COL24A1: variants seen among roughly 807,000 people sequenced by gnomAD.
COL24A1 encodes collagen type XXIV alpha 1 chain.
Under a neutral mutation model 253.9 loss-of-function variants are expected in COL24A1, and 224 were observed. The ratio of observed to expected loss-of-function variants is 0.88; its 90% CI spans 0.79 to 0.99. The LOEUF (loss-of-function observed/expected upper bound fraction) is 0.99, where lower values mean the gene tolerates loss of function less well. COL24A1 is among the 50% of genes least tolerant of loss of function. The pLI is 0.00. For synonymous variants in COL24A1, 685 were observed against 673.7 expected (o/e 1.02, Z -0.26); for missense variants, 2,131 against 2,068.5 (o/e 1.03, Z -0.59).
At chr1:85,910,707 G>A (rs1422209451) in intron 25 of COL24A1, among the ~76,000 whole-genome samples, 1 of 151,936 alleles carries the variant, frequency 6.6e-6, no homozygotes, top group Non-Finnish European at 1.5e-5. Flanking sequence ...TGTAGTACAT[G>A]AGAGTTAGAA....
At chr1:85,811,168 A>G (rs1411081867) in intron 47 of COL24A1, among the ~76,000 whole-genome samples, 1 of 152,200 alleles carries the variant, frequency 6.6e-6, no homozygotes, top group East Asian at 1.9e-4. Context: ...ATTGTCAATT[A>G]TTCCAATATA....
intron 47 of COL24A1, among the ~76,000 whole-genome samples, chr1:85,789,561 G>T (rs1198378337): frequency 8.5e-5 from 13 of 152,114 alleles, no homozygotes; most frequent in Admixed American, 8.5e-4. Context: ...TTGCCTGTTT[G>T]CCCTGGACAG....
chr1:85,873,904 T>C (rs1680839441), intron 35 of COL24A1, among the ~76,000 whole-genome samples: 1 of 152,098 alleles, frequency 6.6e-6, no homozygotes, highest in African/African-American at 2.4e-5. Flanking sequence ...TGTAGAGCCA[T>C]ACTTTATGAA....
intron 3 of COL24A1, among the ~76,000 whole-genome samples, chr1:86,116,550 G>C (rs1108309): frequency 0.76 from 115,336 of 152,016 alleles, 43,748 homozygotes; most frequent in Middle Eastern, 0.86. Context: ...AAGGAGGAGA[G>C]GGAAAATGGA....
intron 24 of COL24A1, among the ~76,000 whole-genome samples, chr1:85,915,769 C>T (rs1330828220): frequency 1.3e-5 from 2 of 152,154 alleles, no homozygotes; most frequent in African/African-American, 4.8e-5. Context: ...CTGCCTCAGC[C>T]TCCTGAGTAG....
chr1:85,860,356 C>A (rs1679000123), intron 37 of COL24A1, among the ~76,000 whole-genome samples: 1 of 152,140 alleles, frequency 6.6e-6, no homozygotes, highest in South Asian at 2.1e-4. Context: ...AGAAGTCACT[C>A]CCCATTTCTT....
intron 9 of COL24A1, 144 bp from the exon 10 acceptor site, chr1:86,058,119 T>C: frequency 3.8e-6 from 2 of 532,390 alleles, no homozygotes; most frequent in East Asian, 3.2e-5. Flanking sequence ...AGATTACCAA[T>C]GTTCAAGGAA....
At chr1:85,896,289 A>G in intron 29 of COL24A1, 67 bp downstream of exon 29, 6 of 1,412,212 alleles carry the variant, frequency 4.2e-6, no homozygotes, top group Non-Finnish European at 6.0e-6. Context: ...ATTGTTTTTT[A>G]GACTAGTAGG....
intron 18 of COL24A1, among the ~76,000 whole-genome samples, chr1:86,018,967 T>C (rs1697244259): frequency 6.6e-6 from 1 of 152,318 alleles, no homozygotes; most frequent in African/African-American, 2.4e-5. Flanking sequence ...GAAAATATTA[T>C]TTCATGTTAC....
At chr1:85,798,503 T>A (rs1466194341) in intron 47 of COL24A1, among the ~76,000 whole-genome samples, 6 of 152,114 alleles carry the variant, frequency 3.9e-5, no homozygotes, top group Admixed American at 3.9e-4. Context: ...TAGGTCTCTT[T>A]CTCCAAAATA....
intron 20 of COL24A1, among the ~76,000 whole-genome samples, chr1:85,984,590 G>T (rs1340708555): frequency 1.3e-5 from 2 of 151,766 alleles, no homozygotes; most frequent in Non-Finnish European, 3.0e-5. Context: ...TAAAGTTCAA[G>T]TTCCTATGTA....
chr1:85,867,449 T>A (rs549521103), intron 37 of COL24A1, among the ~76,000 whole-genome samples: 11 of 152,202 alleles, frequency 7.2e-5, no homozygotes, highest in Non-Finnish European at 1.2e-4. Flanking sequence ...CCCACATGCT[T>A]AAATGCTGTA....
In COL24A1 at chr1:86,052,740, T is replaced by C. The variant is rs536929460; in HGVS notation, c.1852-2563A>G. Reference sequence around the variant, plus strand: ...GTTTATACATGGAAAAAATTTTATGTTATATATATTTTATGTTCTTTATTT... The same window carrying C: ...GTTTATACATGGAAAAAATTTTATGCTATATATATTTTATGTTCTTTATTT... On this transcript the variant is annotated intron_variant, in intron 10 of 59. Transcript: ENST00000370571. Among the ~76,000 whole-genome samples, 9 of 152,140 alleles carry C rather than the reference T, an allele frequency of 5.9e-5. No homozygotes were observed. The South Asian group carries it at 1.9e-3, about 32-fold the overall frequency.
chr1:86,008,980 A>G (rs1183327913), intron 19 of COL24A1, among the ~76,000 whole-genome samples: 1 of 152,226 alleles, frequency 6.6e-6, no homozygotes, highest in Non-Finnish European at 1.5e-5. Flanking sequence ...GATCTGAACA[A>G]ATGAAAGACA....
At chr1:86,108,316 T>G (rs999321624) in intron 5 of COL24A1, among the ~76,000 whole-genome samples, 5 of 152,184 alleles carry the variant, frequency 3.3e-5, no homozygotes, top group Admixed American at 6.5e-5. Context: ...TTTAGTTTGA[T>G]ACAAAGTTCT....
chr1:85,988,349 G>A (rs144221275), intron 19 of COL24A1, among the ~76,000 whole-genome samples: 300 of 151,978 alleles, frequency 2.0e-3, no homozygotes, highest in African/African-American at 6.9e-3. Flanking sequence ...AATTATATTA[G>A]CAGTCTAAAA....
intron 24 of COL24A1, among the ~76,000 whole-genome samples, chr1:85,918,438 T>G (rs1686121804): frequency 1.3e-5 from 2 of 152,198 alleles, no homozygotes; most frequent in South Asian, 4.1e-4. Context: ...CTAGTCTATC[T>G]TATGATGATT....
chr1:86,063,895 T>C (rs1557459150), intron 7 of COL24A1, 136 bp from the exon 8 acceptor site: 1 of 396,334 alleles, frequency 2.5e-6, no homozygotes, highest in Non-Finnish European at 4.6e-6. Flanking sequence ...TACTAATTTA[T>C]TTCTTATTAA....
At chr1:85,858,731 C>T (rs416756) in intron 37 of COL24A1, among the ~76,000 whole-genome samples, 29 of 150,346 alleles carry the variant, frequency 1.9e-4, no homozygotes. Context: ...TTCCTTCTTT[C>T]CCTTTCCTTT....
Sources: gnomAD v4.1 joint callset for allele counts (sites outside exome capture counted in the v4.1 genomes callset) on GRCh38, gnomAD v4.1.1 for gene constraint, MANE v1.5 for transcripts, NCBI Gene and HGNC (gene_info 2026-07-23, HGNC 2026-07-21) for gene names.